LOC112694756: variants seen among roughly 807,000 people sequenced by gnomAD.
At chr16:30,068,012 TTTTAA>T in the LOC112694756 span, 6 of 306,630 alleles carry the variant, frequency 2.0e-5, no homozygotes, top group Admixed American at 1.4e-4. Context: ...AGTGAAAATA[TTTTAA>T]TTTAATTGTA....
chr16:30,058,000 GC>G, the LOC112694756 span, among the ~76,000 whole-genome samples: 2 of 151,870 alleles, frequency 1.3e-5, no homozygotes, highest in East Asian at 3.9e-4. Context: ...ATGATTTCTG[GC>G]CCCCTGTCCT....
chr16:30,057,351 C>G, the LOC112694756 span, among the ~76,000 whole-genome samples: 2 of 152,128 alleles, frequency 1.3e-5, no homozygotes, highest in Admixed American at 6.5e-5. Context: ...CAGAGTGTTA[C>G]GCAGGAGAGC....
At chr16:30,063,055 T>C in the LOC112694756 span, among the ~76,000 whole-genome samples, 1 of 150,080 alleles carries the variant, frequency 6.7e-6, no homozygotes, top group African/African-American at 2.5e-5. Flanking sequence ...GAGGCAGAAC[T>C]ACTTGAACCC....
chr16:30,069,657 G>C, the LOC112694756 span: 63 of 1,613,452 alleles, frequency 3.9e-5, no homozygotes, highest in Non-Finnish European at 5.0e-5. Context: ...GCCGCACAGT[G>C]CCCCCCGCTG....
At chr16:30,057,279 G>A in the LOC112694756 span, among the ~76,000 whole-genome samples, 3 of 152,156 alleles carry the variant, frequency 2.0e-5, no homozygotes, top group East Asian at 5.8e-4. Context: ...AGACACATAA[G>A]GGTTACTGTC....
At chr16:30,069,298 C>T in the LOC112694756 span, 1 of 1,614,034 alleles carries the variant, frequency 6.2e-7, no homozygotes, top group African/African-American at 1.3e-5. Context: ...CTGTCCCTCG[C>T]CCTGCAGAAT....
At chr16:30,061,155 C>G in the LOC112694756 span, among the ~76,000 whole-genome samples, 1 of 152,262 alleles carries the variant, frequency 6.6e-6, no homozygotes, top group Non-Finnish European at 1.5e-5. Context: ...TGCGGGTCAT[C>G]CCTGTCCCAG....
the LOC112694756 span, chr16:30,065,916 C>T: frequency 3.3e-5 from 5 of 153,152 alleles, no homozygotes; most frequent in African/African-American, 9.6e-5. Context: ...ACCCGCCCCT[C>T]TCCTGTGCCA....
the LOC112694756 span, chr16:30,067,671 G>A: frequency 1.2e-5 from 19 of 1,613,946 alleles, no homozygotes; most frequent in Middle Eastern, 8.2e-4. Flanking sequence ...GGTAAGGGGA[G>A]GGCCTCCGGA....
the LOC112694756 span, among the ~76,000 whole-genome samples, chr16:30,056,214 A>G: frequency 0.014 from 1,747 of 127,446 alleles, 32 homozygotes; most frequent in African/African-American, 0.043. Context: ...GGTTCAAGCA[A>G]TTCTCCTGCC....
the LOC112694756 span, chr16:30,066,753 C>T: frequency 6.1e-6 from 6 of 990,360 alleles, no homozygotes; most frequent in South Asian, 3.5e-5. Flanking sequence ...TCAGATCTGG[C>T]TCCGGGGTTG....
the LOC112694756 span, among the ~76,000 whole-genome samples, chr16:30,066,684 G>A: frequency 6.6e-6 from 1 of 152,224 alleles, no homozygotes; most frequent in Non-Finnish European, 1.5e-5. Context: ...CCAGCCCTGG[G>A]ATCTTGAGGG....
the LOC112694756 span, chr16:30,068,959 A>T: frequency 6.2e-7 from 1 of 1,614,216 alleles, no homozygotes; most frequent in Non-Finnish European, 8.5e-7. Context: ...CTGGCCCGTT[A>T]TGCCAGTATC....
At chr16:30,067,181 G>C in the LOC112694756 span, 1 of 1,610,316 alleles carries the variant, frequency 6.2e-7, no homozygotes, top group Non-Finnish European at 8.5e-7. Context: ...GTCATCGGGA[G>C]ATGATGGGAA....
chr16:30,058,463 C>T, the LOC112694756 span, among the ~76,000 whole-genome samples: 3 of 151,958 alleles, frequency 2.0e-5, no homozygotes, highest in Non-Finnish European at 4.4e-5. Context: ...TGCCTGCTCG[C>T]CTGCTCTGCT....
the LOC112694756 span, among the ~76,000 whole-genome samples, chr16:30,060,457 AG>A: frequency 5.9e-5 from 9 of 152,104 alleles, no homozygotes; most frequent in Non-Finnish European, 1.3e-4. Flanking sequence ...CCTGAGAGCC[AG>A]GAGAGACACA....
At chr16:30,067,227 T>A in the LOC112694756 span, 84 of 1,612,002 alleles carry the variant, frequency 5.2e-5, no homozygotes, top group Non-Finnish European at 6.9e-5. Flanking sequence ...CTGTTTCCTG[T>A]ATCCAGGAAC....
the LOC112694756 span, among the ~76,000 whole-genome samples, chr16:30,062,846 A>G: frequency 5.3e-5 from 8 of 151,780 alleles, no homozygotes; most frequent in African/African-American, 1.9e-4. Flanking sequence ...ATCTCGGAAA[A>G]AAAAAAAAAA....
chr16:30,054,813 G>A, the LOC112694756 span: 9 of 398,928 alleles, frequency 2.3e-5, no homozygotes, highest in Middle Eastern at 6.2e-4. Flanking sequence ...ATCCAACCCC[G>A]GCTCCTGTCA....
Sources: gnomAD v4.1 joint callset for allele counts (sites outside exome capture counted in the v4.1 genomes callset) on GRCh38, gnomAD v4.1.1 for gene constraint, MANE v1.5 for transcripts.